ELMOD1: variants seen among roughly 807,000 people sequenced by gnomAD.
ELMOD1 encodes ELMO domain containing 1.
In ELMOD1, 21 loss-of-function variants were observed where a neutral mutation model predicts 46.7. The observed-to-expected ratio is 0.45, with a 90% CI of 0.32 to 0.65. ELMOD1 has a LOEUF of 0.65. ELMOD1 is among the 30% of genes least tolerant of loss of function. ELMOD1 has a pLI of 0.04. For missense variants in ELMOD1, 348 were observed against 407.8 expected (o/e 0.85, Z 1.26); for synonymous variants, 122 against 138.2 (o/e 0.88, Z 0.82).
At chr11:107,654,758 G>A (rs1866595841) in intron 10 of ELMOD1, among the ~76,000 whole-genome samples, 1 of 133,634 alleles carries the variant, frequency 7.5e-6, no homozygotes, top group Non-Finnish European at 1.6e-5. Context: ...GACAAAGCGA[G>A]ACTCCGTCTC....
chr11:107,596,862 C>T (rs1035842073), intron 1 of ELMOD1, among the ~76,000 whole-genome samples: 2 of 152,064 alleles, frequency 1.3e-5, no homozygotes, highest in African/African-American at 4.8e-5. Context: ...CTCTACTATT[C>T]CTTTAAACTG....
intron 5 of ELMOD1, among the ~76,000 whole-genome samples, chr11:107,632,561 G>A (rs928983034): frequency 6.6e-6 from 1 of 152,078 alleles, no homozygotes; most frequent in South Asian, 2.1e-4. Context: ...TCTCTATAGC[G>A]TTCTTTAGCA....
chr11:107,634,870 G>A (rs1866201163), intron 5 of ELMOD1, among the ~76,000 whole-genome samples: 1 of 152,220 alleles, frequency 6.6e-6, no homozygotes. Flanking sequence ...CATGGCACTG[G>A]AAAGGTGGAA....
chr11:107,625,611 C>G (rs1048868151), intron 2 of ELMOD1: 1 of 965,290 alleles, frequency 1.0e-6, no homozygotes, highest in African/African-American at 1.8e-5. Flanking sequence ...CCCCATCCCT[C>G]CTGAATGGAT....
chr11:107,609,104 C>T (rs1865734754), intron 1 of ELMOD1, among the ~76,000 whole-genome samples: 1 of 152,158 alleles, frequency 6.6e-6, no homozygotes, highest in Non-Finnish European at 1.5e-5. Context: ...TTATTGTTCA[C>T]TTCATAAGAT....
At chr11:107,609,269 C>A (rs913672778) in intron 1 of ELMOD1, among the ~76,000 whole-genome samples, 1 of 152,136 alleles carries the variant, frequency 6.6e-6, no homozygotes, top group African/African-American at 2.4e-5. Flanking sequence ...TATAAATGTG[C>A]TGTCTACAAC....
At chr11:107,593,642 A>G (rs1421422726) in intron 1 of ELMOD1, among the ~76,000 whole-genome samples, 1 of 152,232 alleles carries the variant, frequency 6.6e-6, no homozygotes, top group Admixed American at 6.5e-5. Context: ...TAGGTTTTCC[A>G]GATTTAGCAA....
intron 2 of ELMOD1, 113 bp from the exon 3 acceptor site, chr11:107,630,304 G>A (rs1866113050): frequency 3.4e-6 from 3 of 890,898 alleles, no homozygotes; most frequent in Non-Finnish European, 5.0e-6. Context: ...TAAGTATAAG[G>A]TGATTTTTCT....
intron 1 of ELMOD1, among the ~76,000 whole-genome samples, chr11:107,611,013 A>AG (rs1555061113): frequency 8.6e-5 from 13 of 150,446 alleles, no homozygotes; most frequent in East Asian, 3.9e-4. Context: ...AAAAAAAAAA[A>AG]AAAAGAAAAC....
rs573490061 is a variant in ELMOD1 at position 107,628,412 on chromosome 11, G to A, written c.18-2005G>A. 3.6e-4 allele frequency among the ~76,000 whole-genome samples: 55 copies of A among 152,192 alleles called. 1 individual carries two copies. The East Asian group carries it at 8.3e-3, about 23-fold the overall frequency. ...GATCTCTTGACCTCTTGATCCACCCGCCTCAGCCTCCCAAAGTGCTGGTAT... is the reference window on the plus strand; with the variant it reads ...GATCTCTTGACCTCTTGATCCACCCACCTCAGCCTCCCAAAGTGCTGGTAT... On this transcript the variant is annotated intron_variant, in intron 2 of 11. Transcript: ENST00000265840.
intron 1 of ELMOD1, among the ~76,000 whole-genome samples, chr11:107,597,604 C>T (rs912280307): frequency 3.9e-5 from 6 of 152,122 alleles, no homozygotes; most frequent in Non-Finnish European, 5.9e-5. Context: ...AAATTGAGCT[C>T]CCAGGCACTT....
At chr11:107,658,377 AAGTCCCTTACATACATTATCAC>A (rs1866671535) in intron 11 of ELMOD1, among the ~76,000 whole-genome samples, 1 of 152,232 alleles carries the variant, frequency 6.6e-6, no homozygotes, top group Admixed American at 6.5e-5. Flanking sequence ...TGGAAAATGT[AAGTCCCTTACATACATTATCAC>A]AGCTCCTGCT....
At chr11:107,645,089 A>ATTTTTTTTTTTTTTTTTTTT (rs11390120) in intron 6 of ELMOD1, among the ~76,000 whole-genome samples, 4 of 103,204 alleles carry the variant, frequency 3.9e-5, no homozygotes, top group Non-Finnish European at 7.4e-5. Context: ...TGCCTGGCTA[A>ATTTTTTTTTTTTTTTTTTTT]TTTTTTTTTT....
At chr11:107,644,907 G>GGTTTTTGTTTTT (rs201677228) in intron 6 of ELMOD1, among the ~76,000 whole-genome samples, 38 of 119,198 alleles carry the variant, frequency 3.2e-4, no homozygotes, top group African/African-American at 1.2e-3. Context: ...GTTCCTAAAG[G>GGTTTTTGTTTTT]GTTTTTGTTT....
At chr11:107,610,998 CA>C (rs58417281) in intron 1 of ELMOD1, among the ~76,000 whole-genome samples, 127 of 95,770 alleles carry the variant, frequency 1.3e-3, no homozygotes, top group Non-Finnish European at 1.8e-3. Context: ...TGTAAGAATC[CA>C]AAAAAAAAAA....
chr11:107,638,093 G>T (rs548698499), intron 6 of ELMOD1, among the ~76,000 whole-genome samples: 1 of 152,078 alleles, frequency 6.6e-6, no homozygotes, highest in Admixed American at 6.6e-5. Context: ...AGAATAAGTC[G>T]TGCCATACCA....
At chr11:107,621,333 C>T (rs1406859939) in intron 2 of ELMOD1, among the ~76,000 whole-genome samples, 3 of 152,166 alleles carry the variant, frequency 2.0e-5, no homozygotes, top group African/African-American at 7.2e-5. Context: ...AGACTTATCC[C>T]ATGTCCCAAC....
intron 11 of ELMOD1, among the ~76,000 whole-genome samples, chr11:107,664,102 C>T (rs148434804): frequency 6.6e-6 from 1 of 152,256 alleles, no homozygotes; most frequent in East Asian, 1.9e-4. Context: ...CCACCTCAGC[C>T]TCCCAAACAA....
At chr11:107,592,433 A>G (rs4754233) in intron 1 of ELMOD1, 17,965 of 534,536 alleles carry the variant, frequency 0.034, 930 homozygotes, top group East Asian at 0.2. Context: ...CATCTCTGCA[A>G]TGTATACGTT....
Sources: gnomAD v4.1 joint callset for allele counts (sites outside exome capture counted in the v4.1 genomes callset) on GRCh38, gnomAD v4.1.1 for gene constraint, MANE v1.5 for transcripts, NCBI Gene and HGNC (gene_info 2026-07-23, HGNC 2026-07-21) for gene names.